The following UGT1A8 variants were observed in gnomAD, a reference collection of about 807,000 sequenced individuals.
The protein encoded by UGT1A8 is UDP-glucuronosyltransferase 1A8.
A neutral mutation model predicts 45.3 loss-of-function variants in UGT1A8; 39 were observed. The observed-to-expected ratio is 0.86, with a 90% CI of 0.67 to 1.12. The LOEUF is 1.12. UGT1A8 is among the 50% of genes most tolerant of loss of function. The pLI is 0.00. For missense variants in UGT1A8, 719 were observed against 664.9 expected (o/e 1.08, Z -0.90); for synonymous variants, 275 against 249.2 (o/e 1.10, Z -0.97).
intron 1 of UGT1A8, among the ~76,000 whole-genome samples, chr2:233,677,333 T>C (rs2074387834): frequency 6.6e-6 from 1 of 152,160 alleles, no homozygotes; most frequent in Non-Finnish European, 1.5e-5. Flanking sequence ...GCTAGTATAG[T>C]TGACCCCTGA....
intron 1 of UGT1A8, among the ~76,000 whole-genome samples, chr2:233,623,280 G>T (rs1021482711): frequency 2.6e-4 from 39 of 152,174 alleles, no homozygotes; most frequent in Admixed American, 7.2e-4. Flanking sequence ...ATGGTGGCTT[G>T]ATGGGGATAG....
intron 1 of UGT1A8, chr2:233,682,428 C>T (rs2074578708): frequency 1.2e-6 from 2 of 1,613,738 alleles, no homozygotes; most frequent in African/African-American, 1.3e-5. Context: ...TTCTCCCTCC[C>T]CTCTGTGGTC....
chr2:233,647,301 T>C (rs531481929), intron 1 of UGT1A8, among the ~76,000 whole-genome samples: 10 of 152,362 alleles, frequency 6.6e-5, no homozygotes, highest in Admixed American at 2.0e-4. Context: ...TGCTGAAATA[T>C]TGTTTTACAT....
At chr2:233,707,648 A>G (rs1301203281) in intron 1 of UGT1A8, among the ~76,000 whole-genome samples, 1 of 151,666 alleles carries the variant, frequency 6.6e-6, no homozygotes, top group Non-Finnish European at 1.5e-5. Context: ...GTATGAATAC[A>G]CCACAATTTT....
At chr2:233,640,819 C>T (rs539710641) in intron 1 of UGT1A8, among the ~76,000 whole-genome samples, 1 of 152,244 alleles carries the variant, frequency 6.6e-6, no homozygotes, top group South Asian at 2.1e-4. Flanking sequence ...CCTTCACTCA[C>T]ATGCCAAAGA....
intron 1 of UGT1A8, among the ~76,000 whole-genome samples, chr2:233,633,135 C>G (rs759524958): frequency 5.9e-5 from 9 of 152,114 alleles, no homozygotes; most frequent in Non-Finnish European, 1.3e-4. Context: ...TATGTTGGAC[C>G]AGCCTTGCAT....
chr2:233,720,263 C>A (rs982246715), intron 1 of UGT1A8, among the ~76,000 whole-genome samples: 3 of 152,084 alleles, frequency 2.0e-5, no homozygotes, highest in African/African-American at 7.2e-5. Flanking sequence ...AGAGAGGGAT[C>A]TGTCCTGAGA....
intron 1 of UGT1A8, among the ~76,000 whole-genome samples, chr2:233,662,551 T>A (rs1333378441): frequency 6.6e-6 from 1 of 152,224 alleles, no homozygotes; most frequent in Non-Finnish European, 1.5e-5. Flanking sequence ...TTTGTTGGAA[T>A]TTCCCCATAG....
rs112628426 is a variant in UGT1A8 at position 233,767,948 on chromosome 2, G to A, written c.1075+12G>A. ...AAACGATCTGCTTGGTATGTTGGGC[G>A]GATTGGATGTATAGGTCAAACCAGG... On this transcript the variant is annotated intron_variant, in intron 3 of 4. Transcript: ENST00000373450. 87 of 1,614,164 alleles carry A rather than the reference G, an allele frequency of 5.4e-5. No individual in the cohort carries two copies. The highest frequency in any genetic ancestry group is 6.2e-5 in the Non-Finnish European group (73 of 1,180,040).
intron 1 of UGT1A8, among the ~76,000 whole-genome samples, chr2:233,728,857 A>G (rs1164474909): frequency 6.6e-6 from 1 of 152,224 alleles, no homozygotes; most frequent in Admixed American, 6.5e-5. Flanking sequence ...TGGATGAGAA[A>G]CAAGAGCTTG....
chr2:233,683,403 G>A (rs1575431049), intron 1 of UGT1A8, among the ~76,000 whole-genome samples: 1 of 152,064 alleles, frequency 6.6e-6, no homozygotes, highest in East Asian at 1.9e-4. Flanking sequence ...AGATTTAAGT[G>A]TTTTCCACTT....
At chr2:233,716,356 C>T (rs1029133275) in intron 1 of UGT1A8, among the ~76,000 whole-genome samples, 6 of 152,180 alleles carry the variant, frequency 3.9e-5, no homozygotes, top group African/African-American at 1.4e-4. Flanking sequence ...AATGTAGATA[C>T]TTTGTGGGGC....
At chr2:233,683,218 T>C (rs1188153474) in intron 1 of UGT1A8, among the ~76,000 whole-genome samples, 1 of 152,202 alleles carries the variant, frequency 6.6e-6, no homozygotes, top group African/African-American at 2.4e-5. Context: ...ATTTTATCAA[T>C]ATAAAATCTA....
At chr2:233,749,249 T>C (rs1694152253) in intron 1 of UGT1A8, among the ~76,000 whole-genome samples, 1 of 151,932 alleles carries the variant, frequency 6.6e-6, no homozygotes, top group Non-Finnish European at 1.5e-5. Flanking sequence ...AACCACATGA[T>C]TTTTTTATTG....
chr2:233,692,805 G>A, intron 1 of UGT1A8: 7 of 1,407,880 alleles, frequency 5.0e-6, no homozygotes, highest in Non-Finnish European at 6.5e-6. Context: ...CACGGCCATA[G>A]TTGGTTCATA....
At chr2:233,758,650 G>A (rs1202453447) in intron 1 of UGT1A8, among the ~76,000 whole-genome samples, 3 of 152,060 alleles carry the variant, frequency 2.0e-5, no homozygotes, top group Admixed American at 6.6e-5. Flanking sequence ...AAGAATGAGA[G>A]GGTACCCTAA....
At chr2:233,747,871 T>G (rs12466997) in intron 1 of UGT1A8, 2 of 1,613,304 alleles carry the variant, frequency 1.2e-6, no homozygotes, top group Non-Finnish European at 1.7e-6. Flanking sequence ...CCTCTGGCCC[T>G]GTCCTACCTT....
chr2:233,668,733 A>T (rs967918105), intron 1 of UGT1A8, among the ~76,000 whole-genome samples: 2 of 152,092 alleles, frequency 1.3e-5, no homozygotes, highest in African/African-American at 4.8e-5. Context: ...ATTTATCACA[A>T]CTCATTAATC....
chr2:233,621,340 C>G lies in UGT1A8; in HGVS notation c.855+2778C>G, dbSNP rs576689044. On this transcript the variant is annotated intron_variant, in intron 1 of 4. Coordinates refer to ENST00000373450, the MANE Select transcript of UGT1A8 (RefSeq NM_019076.5). The stretch of plus-strand genomic sequence containing the variant: ...GTCTCTTTGAATTTTTGGTGAGTTC[C>G]AACAGAATTGATGACTGGTTTTAGG... Among the ~76,000 whole-genome samples, 3 of 152,198 alleles carry G rather than the reference C, an allele frequency of 2.0e-5. No individual in the cohort carries two copies. In the South Asian group the frequency reaches 6.2e-4, roughly 32 times the overall value.
Sources: allele counts gnomAD v4.1 joint callset (sites outside exome capture counted in the v4.1 genomes callset), GRCh38; gene constraint gnomAD v4.1.1; transcripts MANE v1.5; gene names NCBI Gene and HGNC (gene_info 2026-07-23, HGNC 2026-07-21).